The following CHST11 variants were observed in gnomAD, a reference collection of about 807,000 sequenced individuals.
The protein encoded by CHST11 is carbohydrate sulfotransferase 11.
Under a neutral mutation model 30.4 loss-of-function variants are expected in CHST11, and 9 were observed. That is an observed-to-expected ratio of 0.30 (90% CI 0.18 to 0.52). The LOEUF (loss-of-function observed/expected upper bound fraction) is 0.52. Ranked by LOEUF, CHST11 falls within the 20% of genes least tolerant of loss-of-function variation. The pLI is 0.97. For missense variants in CHST11, 348 were observed against 460.6 expected (o/e 0.76, Z 2.24); for synonymous variants, 152 against 187.8 (o/e 0.81, Z 1.56).
rs781329033 is a variant in CHST11 at position 104,756,932 on chromosome 12, TTG to T, written c.205-13_205-12del. 1.2e-6 allele frequency: 2 copies of T among 1,602,026 alleles called. No homozygotes were observed. Among genetic ancestry groups the T allele is most frequent in the East Asian group, 2.2e-5 (1 of 44,732 alleles). ...GGCAAGTACTGAGTTCTTATTCGTC[TTG>T]TGTCTCCTCTGCAGCTGGAGCTCTC... is the stretch of plus-strand genomic sequence containing the variant. On this transcript the variant is annotated splice_polypyrimidine_tract_variant and intron_variant, in intron 2 of 2. Coordinates refer to ENST00000303694, the MANE Select transcript of CHST11 (RefSeq NM_018413.6).
intron 2 of CHST11, among the ~76,000 whole-genome samples, chr12:104,738,096 G>A (rs1165171343): frequency 2.6e-5 from 4 of 152,146 alleles, no homozygotes; most frequent in Admixed American, 6.5e-5. Context: ...CTGCTGGACC[G>A]GTGTAATTAT....
In CHST11 at chr12:104,757,559, A is replaced by G. The variant is rs1456930882; in HGVS notation, c.815A>G (p.His272Arg). 1 of 1,614,004 alleles carries G rather than the reference A, an allele frequency of 6.2e-7. No individual in the cohort carries two copies. The highest frequency in any genetic ancestry group is 8.5e-7 in the Non-Finnish European group (1 of 1,180,018). ...TCACTCTGCCATCCCTGCCACATCC[A>G]CTATGACCTCGTGGGCAAGTACGAG... is the stretch of plus-strand genomic sequence containing the variant. ...VYSLCHPCHIHYDLVGKYETL... is the reference protein window; with the variant it reads ...VYSLCHPCHIRYDLVGKYETL... Residue 272 changes from histidine (H) to arginine (R), a missense_variant, in exon 3 of 3, where the codon CAC becomes CGC. This residue lies in a region of CHST11 where 210 missense variants were observed against 287.2 expected (regional missense o/e 0.73). Coordinates refer to ENST00000303694, the MANE Select transcript of CHST11 (RefSeq NM_018413.6). This position sits in a 1 kb window ranked among gnomAD's most constrained non-coding sequence, Gnocchi z 6.5.
chr12:104,550,763 G>A (rs1302857968), intron 1 of CHST11, among the ~76,000 whole-genome samples: 6 of 152,212 alleles, frequency 3.9e-5, no homozygotes, highest in Non-Finnish European at 8.8e-5. Flanking sequence ...AAGGGACAGC[G>A]AACTCCTTCT....
At chr12:104,681,182 G>A (rs1241138843) in intron 2 of CHST11, among the ~76,000 whole-genome samples, 2 of 152,182 alleles carry the variant, frequency 1.3e-5, no homozygotes, top group East Asian at 3.8e-4. Context: ...GTACAGCTGG[G>A]CTGTCTAATG....
At chr12:104,691,961 T>A (rs1313348186) in intron 2 of CHST11, among the ~76,000 whole-genome samples, 8 of 152,240 alleles carry the variant, frequency 5.3e-5, no homozygotes, top group Admixed American at 5.2e-4. Flanking sequence ...CAGGAAACCC[T>A]TTCTCTGCTA....
intron 1 of CHST11, among the ~76,000 whole-genome samples, chr12:104,521,342 C>T (rs1054837541): frequency 1.3e-5 from 2 of 152,190 alleles, no homozygotes; most frequent in African/African-American, 4.8e-5. Flanking sequence ...GGTTTTTCTC[C>T]CTTCTTTGTG....
At chr12:104,698,558 C>T (rs923094010) in intron 2 of CHST11, among the ~76,000 whole-genome samples, 1 of 152,192 alleles carries the variant, frequency 6.6e-6, no homozygotes, top group Admixed American at 6.5e-5. Flanking sequence ...AGTCTCAGGG[C>T]TAAGGGCTGT....
At chr12:104,559,785 C>A (rs1592763292) in intron 1 of CHST11, among the ~76,000 whole-genome samples, 1 of 152,110 alleles carries the variant, frequency 6.6e-6, no homozygotes, top group East Asian at 1.9e-4. Context: ...TAAACACATG[C>A]ATGGTAAATA....
intron 2 of CHST11, among the ~76,000 whole-genome samples, chr12:104,689,271 A>T (rs1292737639): frequency 6.6e-6 from 1 of 152,238 alleles, no homozygotes; most frequent in Non-Finnish European, 1.5e-5. Context: ...TCAGGGCCAT[A>T]AATCGCCTGC....
intron 2 of CHST11, among the ~76,000 whole-genome samples, chr12:104,683,907 A>T (rs1566036812): frequency 1.3e-5 from 2 of 152,214 alleles, no homozygotes; most frequent in Non-Finnish European, 2.9e-5. Context: ...TCATGCTAGC[A>T]TCTGTTAGCC....
At chr12:104,568,345 T>C (rs2038589225) in intron 1 of CHST11, among the ~76,000 whole-genome samples, 1 of 152,202 alleles carries the variant, frequency 6.6e-6, no homozygotes, top group Non-Finnish European at 1.5e-5. Flanking sequence ...CCCACTGTCC[T>C]TGCAACAGCT....
At chr12:104,743,978 T>C (rs1179962254) in intron 2 of CHST11, among the ~76,000 whole-genome samples, 1 of 152,258 alleles carries the variant, frequency 6.6e-6, no homozygotes, top group African/African-American at 2.4e-5. Context: ...ATGGTATATA[T>C]GTACCACATT....
intron 1 of CHST11, among the ~76,000 whole-genome samples, chr12:104,460,677 AAAAAG>A (rs2037399843): frequency 6.6e-6 from 1 of 151,876 alleles, no homozygotes; most frequent in South Asian, 2.1e-4. Flanking sequence ...AAAAAAAAAA[AAAAAG>A]AGACAAAAAG....
intron 2 of CHST11, among the ~76,000 whole-genome samples, chr12:104,717,843 G>C (rs1403095593): frequency 6.6e-6 from 1 of 151,596 alleles, no homozygotes; most frequent in Non-Finnish European, 1.5e-5. Flanking sequence ...CCAGCTACTT[G>C]GGAGGCTGAG....
chr12:104,743,811 C>T (rs1017284062), intron 2 of CHST11, among the ~76,000 whole-genome samples: 2 of 152,120 alleles, frequency 1.3e-5, no homozygotes. Flanking sequence ...CCCTCTGTGT[C>T]CATGTGTTCT....
At chr12:104,496,692 C>G (rs2037800890) in intron 1 of CHST11, among the ~76,000 whole-genome samples, 1 of 151,836 alleles carries the variant, frequency 6.6e-6, no homozygotes, top group East Asian at 1.9e-4. Context: ...GAAATGAAGT[C>G]TCTGTCAAGA....
At chr12:104,745,022 C>T (rs868615460) in intron 2 of CHST11, among the ~76,000 whole-genome samples, 2 of 151,994 alleles carry the variant, frequency 1.3e-5, no homozygotes, top group South Asian at 4.2e-4. Context: ...TACAGGTGCC[C>T]ACCATCATGC....
intron 1 of CHST11, among the ~76,000 whole-genome samples, chr12:104,574,462 A>G (rs533205104): frequency 1.1e-4 from 17 of 152,384 alleles, no homozygotes; most frequent in African/African-American, 3.8e-4. Context: ...GCCAACCCAA[A>G]TGTCCAACAA....
chr12:104,500,471 T>G (rs906359221), intron 1 of CHST11, among the ~76,000 whole-genome samples: 1 of 152,324 alleles, frequency 6.6e-6, no homozygotes, highest in East Asian at 1.9e-4. Flanking sequence ...AGAAGGCAAA[T>G]GAACTTCTGA....
Sources: gnomAD v4.1 joint callset for allele counts (sites outside exome capture counted in the v4.1 genomes callset) on GRCh38, gnomAD v4.1.1 for gene constraint, gnomAD v4.1.1 regional missense constraint, Gnocchi (gnomAD v3.1) non-coding constraint, MANE v1.5 for transcripts, NCBI Gene and HGNC (gene_info 2026-07-23, HGNC 2026-07-21) for gene names.